EFL1: variants seen among roughly 807,000 people sequenced by gnomAD.
EFL1 encodes the protein elongation factor like GTPase 1.
A neutral mutation model predicts 126.7 loss-of-function variants in EFL1; 76 were observed. The observed-to-expected ratio is 0.60, with a 90% confidence interval of 0.50 to 0.73. The LOEUF (loss-of-function observed/expected upper bound fraction) is 0.73, where lower values mean the gene tolerates loss of function less well. Among genes scored for constraint, EFL1 ranks in the 30% least tolerant of loss-of-function variants. The probability of loss-of-function intolerance (pLI) is 0.00; values close to 1 mark genes in which losing one functional copy is unlikely to be tolerated. For missense variants in EFL1, 1,128 were observed against 1,343.2 expected (o/e 0.84, Z 2.50); for synonymous variants, 410 against 448.4 (o/e 0.91, Z 1.08).
At chr15:82,185,995 T>C (rs2074299583) in intron 15 of EFL1, among the ~76,000 whole-genome samples, 1 of 152,208 alleles carries the variant, frequency 6.6e-6, no homozygotes, top group Non-Finnish European at 1.5e-5. Context: ...TAAATACATC[T>C]GCTATTTACT....
chr15:82,140,085 C>T (rs145476382), intron 18 of EFL1, among the ~76,000 whole-genome samples: 1 of 152,292 alleles, frequency 6.6e-6, no homozygotes, highest in Non-Finnish European at 1.5e-5. Context: ...TGAGCCTTCA[C>T]CATGTTTAGG....
chr15:82,210,195 T>C (rs1383606043), intron 15 of EFL1, among the ~76,000 whole-genome samples: 1 of 152,226 alleles, frequency 6.6e-6, no homozygotes, highest in Non-Finnish European at 1.5e-5. Context: ...CGATTAGCAA[T>C]GTGGTCATTT....
In EFL1 at chr15:82,186,184, CAG is replaced by C. The variant is rs142582382; in HGVS notation, c.1751-22202_1751-22201del. Among the ~76,000 whole-genome samples, 1,502 of 151,994 alleles carry C rather than the reference CAG, an allele frequency of 9.9e-3. 28 individuals carry two copies. Among genetic ancestry groups the C allele is most frequent in the African/African-American group, 0.034 (1,405 of 41,442 alleles). ...AAAGCAAAGGCTAGCTTTTTATACT[CAG>C]AGTTTTGGAATCACATCTAAAGGCT... On this transcript the variant is annotated intron_variant, in intron 15 of 19. Coordinates refer to ENST00000268206, the MANE Select transcript of EFL1 (RefSeq NM_024580.6).
At chr15:82,246,405 T>C (rs996982636) in intron 4 of EFL1, among the ~76,000 whole-genome samples, 14 of 152,108 alleles carry the variant, frequency 9.2e-5, no homozygotes, top group African/African-American at 3.1e-4. Context: ...GAGAAGGTCA[T>C]AGATCAAGGA....
At chr15:82,199,297 G>C (rs1180961886) in intron 15 of EFL1, among the ~76,000 whole-genome samples, 1 of 152,090 alleles carries the variant, frequency 6.6e-6, no homozygotes, top group Admixed American at 6.5e-5. Flanking sequence ...GATAGCAGTT[G>C]GTTGCTCCAG....
At chr15:82,148,929 G>A (rs981573712) in intron 18 of EFL1, among the ~76,000 whole-genome samples, 3 of 151,650 alleles carry the variant, frequency 2.0e-5, no homozygotes, top group Non-Finnish European at 4.4e-5. Context: ...GGTAAATCTT[G>A]GGAGACAACA....
intron 16 of EFL1, 152 bp downstream of exon 16, chr15:82,163,701 T>C: frequency 1.1e-6 from 1 of 874,080 alleles, no homozygotes; most frequent in Admixed American, 3.1e-5. Flanking sequence ...AGACAGAAGT[T>C]AGATGCCCTT....
chr15:82,185,900 G>A (rs557952436), intron 15 of EFL1, among the ~76,000 whole-genome samples: 1 of 152,162 alleles, frequency 6.6e-6, no homozygotes, highest in South Asian at 2.1e-4. Flanking sequence ...AAATCTCTAT[G>A]TTTATTACTT....
chr15:82,171,498 A>G (rs1215888751), intron 15 of EFL1, among the ~76,000 whole-genome samples: 2 of 152,230 alleles, frequency 1.3e-5, no homozygotes, highest in Admixed American at 1.3e-4. Flanking sequence ...CAATTAGCCA[A>G]TGAAATGTGA....
intron 18 of EFL1, among the ~76,000 whole-genome samples, chr15:82,150,841 T>G (rs2073898796): frequency 6.6e-6 from 1 of 152,230 alleles, no homozygotes; most frequent in Non-Finnish European, 1.5e-5. Context: ...CCCAGACTGA[T>G]ATGGTTATTT....
chr15:82,228,305 T>C lies in EFL1; in HGVS notation c.955A>G (p.Ile319Val). 2 of 1,613,908 alleles carry C rather than the reference T, an allele frequency of 1.2e-6. No individual in the cohort carries two copies. The highest frequency in any genetic ancestry group is 8.5e-7 in the Non-Finnish European group (1 of 1,179,908). Reference sequence around the variant, plus strand: ...ATTTTTAATCCTAAAGAAGTCACTATTTTATCAATTTTGTCTTTGTCCCTG... The same window carrying C: ...ATTTTTAATCCTAAAGAAGTCACTACTTTATCAATTTTGTCTTTGTCCCTG... Reference protein sequence around the residue: ...LKKDKDKIDKIVTSLGLKIGA... With the variant: ...LKKDKDKIDKVVTSLGLKIGA... The change falls in exon 10 of 20, where the codon ATA becomes GTA. Residue 319 changes from isoleucine to valine, a missense_variant. By Grantham distance (29) the Ile-to-Val change is conservative (BLOSUM62 3). Around this residue, in one of 6 missense-constraint regions of EFL1, gnomAD observed 316 missense variants for 318.5 expected, o/e 0.99. Transcript: ENST00000268206.
chr15:82,145,380 A>G (rs1488995850), intron 18 of EFL1, among the ~76,000 whole-genome samples: 1 of 152,050 alleles, frequency 6.6e-6, no homozygotes, highest in Non-Finnish European at 1.5e-5. Context: ...GTGTTCCAAC[A>G]ATATTGGCAT....
intron 15 of EFL1, among the ~76,000 whole-genome samples, chr15:82,167,320 G>A (rs2074090223): frequency 1.3e-5 from 2 of 152,150 alleles, no homozygotes; most frequent in East Asian, 1.9e-4. Context: ...AAATTGGCAT[G>A]TGAACTCTAT....
At chr15:82,219,604 T>C in intron 14 of EFL1, 48 bp downstream of exon 14, 1 of 1,554,112 alleles carries the variant, frequency 6.4e-7, no homozygotes, top group Non-Finnish European at 8.7e-7. Flanking sequence ...TGAAAAGATA[T>C]CAGACCCTCG....
chr15:82,164,017 G>C (rs763234767), intron 15 of EFL1, 33 bp from the exon 16 acceptor site: 3 of 1,606,088 alleles, frequency 1.9e-6, no homozygotes, highest in Non-Finnish European at 2.6e-6. Context: ...CGGTCAATAA[G>C]GGATGATAAA....
At chr15:82,196,046 G>A (rs1465267902) in intron 15 of EFL1, among the ~76,000 whole-genome samples, 1 of 152,184 alleles carries the variant, frequency 6.6e-6, no homozygotes, top group African/African-American at 2.4e-5. Flanking sequence ...CACTTGAGGA[G>A]AAGAGACAGC....
At chr15:82,249,286 A>AAT (rs1258583086) in intron 4 of EFL1, among the ~76,000 whole-genome samples, 2 of 151,542 alleles carry the variant, frequency 1.3e-5, no homozygotes, top group Non-Finnish European at 2.9e-5. Flanking sequence ...AAACATTTGA[A>AAT]ATATATATAT....
chr15:82,138,422 G>GTGT (rs1217930429), intron 19 of EFL1, among the ~76,000 whole-genome samples: 1 of 111,612 alleles, frequency 9.0e-6, no homozygotes, highest in African/African-American at 3.4e-5. Context: ...GAGAGAGAGA[G>GTGT]AGAGTGTATG....
chr15:82,142,613 A>C lies in EFL1; in HGVS notation c.2990-3771T>G, dbSNP rs536499185. On this transcript the variant is annotated intron_variant, in intron 18 of 19. Transcript: ENST00000268206. ...CCAGCAACAAAAAGATTAATCAATT[A>C]AAACAGTATTGATCAGTGCTCAACT... Among the ~76,000 whole-genome samples the C allele has an allele frequency of 5.9e-5, 9 of 152,308 alleles. No homozygotes were observed. The South Asian group carries it at 1.9e-3, about 32-fold the overall frequency.
Sources: allele counts gnomAD v4.1 joint callset (sites outside exome capture counted in the v4.1 genomes callset), GRCh38; gene constraint gnomAD v4.1.1; regional missense constraint gnomAD v4.1.1; transcripts MANE v1.5; gene names NCBI Gene and HGNC (gene_info 2026-07-23, HGNC 2026-07-21).